The following MTUS2 variants were observed in gnomAD, a reference collection of about 807,000 sequenced individuals.
MTUS2 encodes microtubule associated scaffold protein 2.
MTUS2 carries 40 observed loss-of-function variants against 114.1 expected under a neutral mutation model. That is an observed-to-expected ratio of 0.35 (90% CI 0.27 to 0.46). The LOEUF (loss-of-function observed/expected upper bound fraction) is 0.46. Ranked by LOEUF, MTUS2 falls within the 20% of genes least tolerant of loss-of-function variation. The pLI is 1.00. For missense variants in MTUS2, 1,679 were observed against 1,705.4 expected, an observed-to-expected ratio of 0.98 and a Z score of 0.27; for synonymous variants, 688 against 672.0, an observed-to-expected ratio of 1.02 and a Z score of -0.37.
intron 2 of MTUS2, among the ~76,000 whole-genome samples, chr13:28,915,087 G>T (rs1165956558): frequency 6.6e-6 from 1 of 151,696 alleles, no homozygotes; most frequent in East Asian, 1.9e-4. Context: ...TAGTCCATTT[G>T]CATTTAAGGT....
intron 5 of MTUS2, among the ~76,000 whole-genome samples, chr13:29,250,749 A>T (rs1897096122): frequency 1.3e-5 from 2 of 152,122 alleles, no homozygotes; most frequent in Non-Finnish European, 2.9e-5. Flanking sequence ...TCTCAGGATA[A>T]ACTGCTTTAC....
chr13:29,192,103 A>AT (rs1894473068), intron 5 of MTUS2, among the ~76,000 whole-genome samples: 2 of 152,206 alleles, frequency 1.3e-5, no homozygotes, highest in Non-Finnish European at 2.9e-5. Context: ...GGCAAAACTT[A>AT]TTGAGTGGTA....
chr13:29,468,558 G>C (rs1410788507), intron 9 of MTUS2, among the ~76,000 whole-genome samples: 1 of 151,662 alleles, frequency 6.6e-6, no homozygotes, highest in African/African-American at 2.4e-5. Flanking sequence ...TCCAGCCCCG[G>C]TGACAGGGTG....
At chr13:29,228,315 G>A (rs930030999) in intron 5 of MTUS2, among the ~76,000 whole-genome samples, 3 of 152,176 alleles carry the variant, frequency 2.0e-5, no homozygotes, top group African/African-American at 7.2e-5. Context: ...GCAAGAAAGT[G>A]TAAAGAGCCC....
At chr13:29,354,005 G>T (rs76361282) in intron 7 of MTUS2, among the ~76,000 whole-genome samples, 3,110 of 152,140 alleles carry the variant, frequency 0.02, 89 homozygotes, top group African/African-American at 0.07. Flanking sequence ...ATCCTACCTT[G>T]TACGCACTAA....
chr13:28,862,292 A>G (rs1012803272), intron 2 of MTUS2, among the ~76,000 whole-genome samples: 2 of 152,234 alleles, frequency 1.3e-5, no homozygotes, highest in African/African-American at 4.8e-5. Flanking sequence ...GAACGCAATC[A>G]AACATTAGAA....
chr13:29,110,462 C>T (rs562853762), intron 5 of MTUS2, among the ~76,000 whole-genome samples: 76 of 152,082 alleles, frequency 5.0e-4, no homozygotes, highest in African/African-American at 1.8e-3. Context: ...TCTGGAAATG[C>T]GGAAGTCAAA....
chr13:29,080,194 T>C (rs938331281), intron 4 of MTUS2, among the ~76,000 whole-genome samples: 4 of 152,186 alleles, frequency 2.6e-5, no homozygotes, highest in Non-Finnish European at 5.9e-5. Context: ...TCTCATTTAG[T>C]ATTAGGAAAA....
chr13:29,487,855 T>C, intron 10 of MTUS2, 45 bp from the exon 11 acceptor site: 1 of 1,457,118 alleles, frequency 6.9e-7, no homozygotes, highest in Non-Finnish European at 9.6e-7. Flanking sequence ...ACTTCTGTTC[T>C]CCAAGCAGCT....
intron 2 of MTUS2, among the ~76,000 whole-genome samples, chr13:28,870,880 G>T (rs1247737175): frequency 2.0e-5 from 3 of 152,288 alleles, no homozygotes; most frequent in East Asian, 1.9e-4. Context: ...CACATGGAAA[G>T]AATTCTGCCT....
At chr13:29,069,985 C>T (rs919666315) in intron 4 of MTUS2, among the ~76,000 whole-genome samples, 6 of 152,226 alleles carry the variant, frequency 3.9e-5, no homozygotes. Context: ...TTTCTACACT[C>T]TTCCCTTCAT....
At position 29,471,719 on chromosome 13, in the gene MTUS2, C is replaced by G. The variant is rs773241868; in HGVS notation, c.3185-8431C>G. On this transcript the variant is annotated intron_variant, in intron 9 of 15. Transcript: ENST00000612955. ...AAGAGGAGAGGCTTCAGCTTATGCT[C>G]CAGCCTCTGCTCTGCAGGCCCAGCC... 3.7e-4 allele frequency among the ~76,000 whole-genome samples: 56 copies of G among 150,590 alleles called. 1 individual carries two copies. Among genetic ancestry groups the G allele is most frequent in the South Asian group, 1.5e-3 (7 of 4,768 alleles).
chr13:29,307,689 C>A, intron 6 of MTUS2: 1 of 1,137,964 alleles, frequency 8.8e-7, no homozygotes. Context: ...TTGCCCTCAA[C>A]GACCACTTTT....
At chr13:29,082,569 A>G (rs1327132280) in intron 4 of MTUS2, among the ~76,000 whole-genome samples, 2 of 152,174 alleles carry the variant, frequency 1.3e-5, no homozygotes, top group Non-Finnish European at 2.9e-5. Flanking sequence ...CCCTCCTTTC[A>G]TCCTCCTACA....
intron 7 of MTUS2, among the ~76,000 whole-genome samples, chr13:29,346,219 G>A (rs1868664837): frequency 6.6e-6 from 1 of 152,096 alleles, no homozygotes; most frequent in South Asian, 2.1e-4. Context: ...CACCTGGGTG[G>A]TAAGTATTTG....
intron 2 of MTUS2, among the ~76,000 whole-genome samples, chr13:29,023,348 T>C (rs1163060376): frequency 6.6e-6 from 1 of 152,210 alleles, no homozygotes; most frequent in Non-Finnish European, 1.5e-5. Flanking sequence ...AGTTTTTATT[T>C]TGGAAAATTT....
At chr13:29,458,105 C>T (rs1879247605) in intron 9 of MTUS2, among the ~76,000 whole-genome samples, 1 of 152,156 alleles carries the variant, frequency 6.6e-6, no homozygotes, top group Non-Finnish European at 1.5e-5. Flanking sequence ...TGTGAAGCAT[C>T]TGTGGCCCAT....
At chr13:29,350,380 C>G (rs1199472645) in intron 7 of MTUS2, among the ~76,000 whole-genome samples, 1 of 150,816 alleles carries the variant, frequency 6.6e-6, no homozygotes, top group Non-Finnish European at 1.5e-5. Context: ...AGTCAGGGAC[C>G]ACCTTCAGCT....
chr13:29,373,648 T>A (rs2388069), intron 8 of MTUS2, among the ~76,000 whole-genome samples: 1 of 152,106 alleles, frequency 6.6e-6, no homozygotes, highest in Non-Finnish European at 1.5e-5. Context: ...ATCCTAATAG[T>A]ACTTCAAAAG....
Sources: allele counts gnomAD v4.1 joint callset (sites outside exome capture counted in the v4.1 genomes callset), GRCh38; gene constraint gnomAD v4.1.1; transcripts MANE v1.5; gene names NCBI Gene and HGNC (gene_info 2026-07-23, HGNC 2026-07-21).